Variants in RSRC1 observed in about 807,000 individuals in gnomAD.
RSRC1 encodes the protein arginine and serine rich coiled-coil 1.
Under a neutral mutation model 49.1 loss-of-function variants are expected in RSRC1, and 39 were observed. The ratio of observed to expected loss-of-function variants is 0.79; its 90% CI spans 0.61 to 1.04. RSRC1 has a LOEUF of 1.04. RSRC1 is among the 50% of genes least tolerant of loss of function. RSRC1 has a pLI of 0.00. For missense variants in RSRC1, 388 were observed against 402.4 expected (o/e 0.96, Z 0.31); for synonymous variants, 143 against 130.8 (o/e 1.09, Z -0.63).
intron 4 of RSRC1, among the ~76,000 whole-genome samples, chr3:158,267,056 G>A (rs570450547): frequency 6.6e-6 from 1 of 151,962 alleles, no homozygotes; most frequent in African/African-American, 2.4e-5. Flanking sequence ...GAGACAGCAT[G>A]CCTGGCCTAT....
chr3:158,318,584 TG>T (rs1214202165), intron 5 of RSRC1, among the ~76,000 whole-genome samples: 1 of 152,064 alleles, frequency 6.6e-6, no homozygotes, highest in African/African-American at 2.4e-5. Context: ...CCTTAGTAGT[TG>T]GGGGGAAAAA....
At chr3:158,222,838 T>C (rs1722302617) in intron 4 of RSRC1, among the ~76,000 whole-genome samples, 1 of 151,608 alleles carries the variant, frequency 6.6e-6, no homozygotes, top group African/African-American at 2.4e-5. Flanking sequence ...CAACATCAGT[T>C]CCTTCCTCTC....
chr3:158,370,710 G>A (rs951738645), intron 6 of RSRC1, among the ~76,000 whole-genome samples: 7 of 151,792 alleles, frequency 4.6e-5, no homozygotes, highest in Non-Finnish European at 8.9e-5. Context: ...AGCTTATATG[G>A]ATGTTTGTGT....
At chr3:158,268,486 G>A (rs1028969270) in intron 4 of RSRC1, among the ~76,000 whole-genome samples, 8 of 151,990 alleles carry the variant, frequency 5.3e-5, no homozygotes, top group Non-Finnish European at 8.8e-5. Flanking sequence ...TCTGATTCTG[G>A]AACCTTGAAC....
At chr3:158,452,519 C>T (rs1455201446) in intron 6 of RSRC1, among the ~76,000 whole-genome samples, 1 of 152,106 alleles carries the variant, frequency 6.6e-6, no homozygotes, top group African/African-American at 2.4e-5. Flanking sequence ...GGATATATTA[C>T]TGGTGTTGTG....
chr3:158,517,689 C>A (rs1237401149), intron 7 of RSRC1, among the ~76,000 whole-genome samples: 1 of 144,202 alleles, frequency 6.9e-6, no homozygotes, highest in African/African-American at 2.6e-5. Flanking sequence ...AACTGCTGGA[C>A]ACAAGTGATC....
chr3:158,221,089 T>C (rs1722200883), intron 4 of RSRC1, among the ~76,000 whole-genome samples: 1 of 151,536 alleles, frequency 6.6e-6, no homozygotes, highest in South Asian at 2.1e-4. Context: ...TATAATAGAG[T>C]CAGGAAAACA....
chr3:158,397,392 A>G (rs1733668788), intron 6 of RSRC1, among the ~76,000 whole-genome samples: 2 of 152,252 alleles, frequency 1.3e-5, no homozygotes, highest in South Asian at 4.1e-4. Flanking sequence ...TCATGTTTAT[A>G]TTATACTGTT....
intron 6 of RSRC1, among the ~76,000 whole-genome samples, chr3:158,380,475 T>G (rs1732644106): frequency 6.6e-6 from 1 of 152,202 alleles, no homozygotes; most frequent in Non-Finnish European, 1.5e-5. Context: ...GACCTCATCT[T>G]TAAACAATTA....
intron 6 of RSRC1, among the ~76,000 whole-genome samples, chr3:158,386,875 A>G (rs1732996986): frequency 6.6e-6 from 1 of 152,046 alleles, no homozygotes; most frequent in Admixed American, 6.6e-5. Flanking sequence ...AAAATCATCG[A>G]AAAGAATGGC....
At chr3:158,495,183 C>T (rs1739266751) in intron 7 of RSRC1, among the ~76,000 whole-genome samples, 1 of 152,082 alleles carries the variant, frequency 6.6e-6, no homozygotes, top group Admixed American at 6.6e-5. Context: ...TTATATGCAG[C>T]CTGTTATTGA....
chr3:158,365,726 A>G (rs149219775), intron 6 of RSRC1, among the ~76,000 whole-genome samples: 84 of 152,252 alleles, frequency 5.5e-4, no homozygotes, highest in African/African-American at 1.9e-3. Flanking sequence ...TCACCACACT[A>G]TCATCCACAA....
chr3:158,488,002 A>G (rs571499689), intron 7 of RSRC1, among the ~76,000 whole-genome samples: 1 of 145,462 alleles, frequency 6.9e-6, no homozygotes, highest in Admixed American at 7.0e-5. Flanking sequence ...AGTAACTTGG[A>G]AGAAAACCCA....
At chr3:158,420,490 G>C (rs989111361) in intron 6 of RSRC1, among the ~76,000 whole-genome samples, 3 of 151,832 alleles carry the variant, frequency 2.0e-5, no homozygotes, top group Non-Finnish European at 4.4e-5. Flanking sequence ...TTCCTGGACC[G>C]GTTCTGCCAC....
chr3:158,248,764 A>G (rs1167813107), intron 4 of RSRC1, among the ~76,000 whole-genome samples: 1 of 151,996 alleles, frequency 6.6e-6, no homozygotes, highest in African/African-American at 2.4e-5. Flanking sequence ...CGCCTGGCTA[A>G]TTTTTGTATT....
chr3:158,514,715 G>A (rs1186734452), intron 7 of RSRC1, among the ~76,000 whole-genome samples: 1 of 151,816 alleles, frequency 6.6e-6, no homozygotes, highest in Non-Finnish European at 1.5e-5. Context: ...TTGACAGTGG[G>A]GTGTTAAAGT....
At chr3:158,351,980 A>T (rs1427916975) in intron 5 of RSRC1, among the ~76,000 whole-genome samples, 1 of 149,968 alleles carries the variant, frequency 6.7e-6, no homozygotes, top group East Asian at 1.9e-4. Context: ...AGCCATCAAG[A>T]CTTTCCTAGC....
chr3:158,217,996 G>A (rs1722044106), intron 4 of RSRC1, among the ~76,000 whole-genome samples: 1 of 151,390 alleles, frequency 6.6e-6, no homozygotes, highest in Admixed American at 6.6e-5. Flanking sequence ...CATCAACAAA[G>A]GCCTCTAGAA....
At chr3:158,146,768 T>C (rs1167182481) in intron 3 of RSRC1, among the ~76,000 whole-genome samples, 1 of 152,140 alleles carries the variant, frequency 6.6e-6, no homozygotes, top group African/African-American at 2.4e-5. Context: ...CTGGACTGTT[T>C]TTGGTTGGTA....
Sources: gnomAD v4.1 joint callset for allele counts (sites outside exome capture counted in the v4.1 genomes callset) on GRCh38, gnomAD v4.1.1 for gene constraint, MANE v1.5 for transcripts, NCBI Gene and HGNC (gene_info 2026-07-23, HGNC 2026-07-21) for gene names.